The following TRAPPC9 variants were observed in gnomAD, a reference collection of about 807,000 sequenced individuals.
TRAPPC9 encodes the protein trafficking protein particle complex subunit 9, also known as IKK2 binding protein.
In TRAPPC9, 83 loss-of-function variants were observed where a neutral mutation model predicts 124.0. The observed-to-expected ratio is 0.67, with a 90% CI of 0.56 to 0.80. The LOEUF (loss-of-function observed/expected upper bound fraction) is 0.80. TRAPPC9 is among the 30% of genes least tolerant of loss of function. The pLI, the probability that TRAPPC9 is intolerant of heterozygous loss-of-function variation, is 0.00. For synonymous variants in TRAPPC9, 638 were observed against 617.5 expected (o/e 1.03, Z -0.49); for missense variants, 1,302 against 1,508.3 (o/e 0.86, Z 2.27).
chr8:139,794,125 C>A lies in TRAPPC9; in HGVS notation c.3056-61923G>T, dbSNP rs560343204. The stretch of plus-strand genomic sequence containing the variant: ...CTGTTCTTCATGGCTCTGAGCGTCG[C>A]TGGGCAGACCCCACCCATGCGGCTC... On this transcript the variant is annotated intron_variant, in intron 21 of 22. Coordinates refer to ENST00000438773, the MANE Select transcript of TRAPPC9 (RefSeq NM_001160372.4). 5.9e-5 allele frequency among the ~76,000 whole-genome samples: 9 copies of A among 152,206 alleles called. No homozygotes were observed. The East Asian group carries it at 1.8e-3, about 30-fold the overall frequency.
intron 19 of TRAPPC9, among the ~76,000 whole-genome samples, chr8:139,915,392 G>A (rs953876702): frequency 3.3e-5 from 5 of 152,136 alleles, no homozygotes; most frequent in Non-Finnish European, 7.4e-5. Flanking sequence ...GATTACAGGT[G>A]CATACTACCA....
At chr8:140,285,239 C>T (rs4736168) in intron 13 of TRAPPC9, among the ~76,000 whole-genome samples, 99,010 of 152,074 alleles carry the variant, frequency 0.65, 32,603 homozygotes, top group African/African-American at 0.77. Context: ...ACTGTGAACA[C>T]ACTAGTTACG....
At chr8:139,828,426 C>A (rs911308007) in intron 21 of TRAPPC9, among the ~76,000 whole-genome samples, 8 of 152,190 alleles carry the variant, frequency 5.3e-5, no homozygotes, top group Non-Finnish European at 7.3e-5. Flanking sequence ...TCAAAATAAG[C>A]CAGACAATGC....
At chr8:139,829,136 A>G (rs1444549309) in intron 21 of TRAPPC9, among the ~76,000 whole-genome samples, 3 of 152,206 alleles carry the variant, frequency 2.0e-5, no homozygotes, top group Non-Finnish European at 2.9e-5. Context: ...TTCTTTTCTG[A>G]CTGTAACATA....
chr8:140,123,579 C>G (rs895972301), intron 17 of TRAPPC9, among the ~76,000 whole-genome samples: 1 of 152,236 alleles, frequency 6.6e-6, no homozygotes, highest in African/African-American at 2.4e-5. Flanking sequence ...CCCAACTGCA[C>G]AGCTGGGTTC....
At chr8:140,306,828 T>A (rs1054925313) in intron 10 of TRAPPC9, among the ~76,000 whole-genome samples, 2 of 152,166 alleles carry the variant, frequency 1.3e-5, no homozygotes, top group Non-Finnish European at 2.9e-5. Context: ...AGGGCAGATA[T>A]TCATCAATGC....
intron 16 of TRAPPC9, among the ~76,000 whole-genome samples, chr8:140,249,144 C>G (rs532178157): frequency 3.3e-4 from 49 of 150,738 alleles, no homozygotes; most frequent in African/African-American, 1.2e-3. Context: ...AGTGAGCGTG[C>G]TGCCCAACAA....
intron 17 of TRAPPC9, among the ~76,000 whole-genome samples, chr8:140,190,863 G>A (rs774310268): frequency 1.3e-4 from 20 of 152,218 alleles, no homozygotes; most frequent in Non-Finnish European, 2.5e-4. Flanking sequence ...ACGAATAGAG[G>A]GTAAAGCAAA....
intron 21 of TRAPPC9, among the ~76,000 whole-genome samples, chr8:139,867,241 T>C (rs1357014235): frequency 2.6e-5 from 4 of 152,268 alleles, no homozygotes; most frequent in African/African-American, 9.6e-5. Flanking sequence ...AGAAAATAAG[T>C]GTGTGCTCAA....
chr8:140,013,686 C>T (rs1839277886), intron 18 of TRAPPC9, among the ~76,000 whole-genome samples: 1 of 152,214 alleles, frequency 6.6e-6, no homozygotes, highest in Non-Finnish European at 1.5e-5. Flanking sequence ...TGGCTCATCC[C>T]TTTGTCCCTA....
chr8:140,229,135 A>G (rs1295634073), intron 16 of TRAPPC9, among the ~76,000 whole-genome samples: 2 of 152,164 alleles, frequency 1.3e-5, no homozygotes, highest in African/African-American at 2.4e-5. Flanking sequence ...AGGTACATAG[A>G]AAATAATTTC....
Position 139,731,014 on chromosome 8 carries a change from C to A in TRAPPC9, c.*47G>T, listed in dbSNP as rs1454566436. ...ATTGCAGGGGGTGTGGGAGGCCAGG[C>A]AGGGTCACCTCTGGCCCTGCAGAAA... On this transcript the variant is annotated 3_prime_UTR_variant, in exon 23 of 23. Transcript: ENST00000438773. 1.2e-6 allele frequency: 2 copies of A among 1,601,070 alleles called. No individual in the cohort carries two copies. Among genetic ancestry groups the A allele is most frequent in the Non-Finnish European group, 1.7e-6 (2 of 1,174,164 alleles).
chr8:140,355,409 G>A (rs1280508055), intron 9 of TRAPPC9, among the ~76,000 whole-genome samples: 3 of 152,160 alleles, frequency 2.0e-5, no homozygotes, highest in African/African-American at 7.2e-5. Flanking sequence ...ATCTAGCTGA[G>A]TCTGGTTGCA....
At chr8:140,219,192 G>A (rs1226778921) in intron 17 of TRAPPC9, among the ~76,000 whole-genome samples, 2 of 152,132 alleles carry the variant, frequency 1.3e-5, no homozygotes, top group East Asian at 3.9e-4. Context: ...GGGAAGAAAG[G>A]AAGGGGAGAA....
chr8:140,343,005 T>C (rs2067237379), intron 9 of TRAPPC9, among the ~76,000 whole-genome samples: 1 of 152,202 alleles, frequency 6.6e-6, no homozygotes, highest in African/African-American at 2.4e-5. Flanking sequence ...ATGGGAAGCT[T>C]GCGATCACTA....
At position 140,405,696 on chromosome 8, in the gene TRAPPC9, C is replaced by T. The variant is rs1236300126; in HGVS notation, c.889G>A (p.Ala297Thr). 1.6e-5 allele frequency: 26 copies of T among 1,614,118 alleles called. No individual in the cohort carries two copies. Among genetic ancestry groups the T allele is most frequent in the Non-Finnish European group, 2.2e-5 (26 of 1,180,014 alleles). ...GAQEVLIDPG[A>T]LTTNGINPDT... ...GGGTTGATGCCATTGGTGGTGAGGG[C>T]ACCTGCAAACCAAGAGGAAGAAAAG... The change falls in exon 6 of 23, where the codon GCC becomes ACC. Residue 297 changes from alanine (A) to threonine (T), a missense_variant and splice_region_variant. By Grantham distance (58) the Ala-to-Thr change is moderately conservative. This residue lies in a region of TRAPPC9 where 657 missense variants were observed against 811.2 expected (regional missense o/e 0.81). Coordinates refer to ENST00000438773, the MANE Select transcript of TRAPPC9 (RefSeq NM_001160372.4).
intron 8 of TRAPPC9, among the ~76,000 whole-genome samples, chr8:140,370,629 G>T (rs1457138705): frequency 1.3e-5 from 2 of 152,126 alleles, no homozygotes; most frequent in Non-Finnish European, 2.9e-5. Flanking sequence ...TTTATTCTGG[G>T]TTCATTGATT....
chr8:140,242,971 A>G (rs2063896535), intron 16 of TRAPPC9, among the ~76,000 whole-genome samples: 1 of 152,168 alleles, frequency 6.6e-6, no homozygotes, highest in South Asian at 2.1e-4. Context: ...AGTAAGGAGT[A>G]GCCAGAGAGA....
intron 21 of TRAPPC9, among the ~76,000 whole-genome samples, chr8:139,824,056 G>A (rs999306993): frequency 6.6e-6 from 1 of 152,182 alleles, no homozygotes; most frequent in Non-Finnish European, 1.5e-5. Context: ...ACGTGTATCA[G>A]TTCACCCCAT....
Sources: gnomAD v4.1 joint callset for allele counts (sites outside exome capture counted in the v4.1 genomes callset) on GRCh38, gnomAD v4.1.1 for gene constraint, gnomAD v4.1.1 regional missense constraint, MANE v1.5 for transcripts, NCBI Gene and HGNC (gene_info 2026-07-23, HGNC 2026-07-21) for gene names.